Variants in LEF1 observed in about 807,000 individuals in gnomAD.
LEF1 encodes lymphoid enhancer-binding factor 1.
Under a neutral mutation model 51.2 loss-of-function variants are expected in LEF1, and 14 were observed. That is an observed-to-expected ratio of 0.27 (90% CI 0.18 to 0.43). The LOEUF is 0.43. Among genes scored for constraint, LEF1 ranks in the 20% least tolerant of loss-of-function variants. The probability of loss-of-function intolerance (pLI) is 1.00; values close to 1 mark genes in which losing one functional copy is unlikely to be tolerated. For missense variants in LEF1, 386 were observed against 512.0 expected (o/e 0.75, Z 2.37); for synonymous variants, 185 against 183.2 (o/e 1.01, Z -0.08).
intron 8 of LEF1, among the ~76,000 whole-genome samples, chr4:108,074,338 CA>C (rs1463779475): frequency 6.6e-6 from 1 of 152,134 alleles, no homozygotes; most frequent in African/African-American, 2.4e-5. Context: ...TAAACTTGTA[CA>C]GTTCCAAGAT....
At chr4:108,144,545 G>A (rs528132055) in intron 3 of LEF1, among the ~76,000 whole-genome samples, 1 of 152,300 alleles carries the variant, frequency 6.6e-6, no homozygotes, top group East Asian at 1.9e-4. Flanking sequence ...ATAGCACAGA[G>A]CCTTCTTTTC....
chr4:108,148,431 C>A (rs1454432924), intron 3 of LEF1, among the ~76,000 whole-genome samples: 1 of 152,162 alleles, frequency 6.6e-6, no homozygotes, highest in Non-Finnish European at 1.5e-5. Flanking sequence ...CATATAAAGA[C>A]AGTCCTCTGG....
At chr4:108,157,637 T>A (rs1482467731) in intron 3 of LEF1, among the ~76,000 whole-genome samples, 5 of 152,226 alleles carry the variant, frequency 3.3e-5, no homozygotes, top group African/African-American at 4.8e-5. Context: ...AAAAATAAAC[T>A]GTATTTCTAG....
rs1745301951 is a variant in LEF1 at position 108,165,101 on chromosome 4, A to G, written c.276T>C (p.Asp92=). 6.2e-7 allele frequency: 1 copy of G among 1,613,936 alleles called. No homozygotes were observed. The highest frequency in any genetic ancestry group is 1.3e-5 in the African/African-American group (1 of 74,932). The change falls in exon 2 of 12, where the codon GAT becomes GAC. Residue 92 remains aspartate (D), a synonymous_variant. Coordinates refer to ENST00000265165, the MANE Select transcript of LEF1 (RefSeq NM_016269.5). ...GAAGTAGAATGGGTGTCTTACCGTC[A>G]TCGGGGTGTTCTCTGGCCTTGTCGT... ...PYHDKAREHP[D]DGKHPDGGLY...
intron 9 of LEF1, among the ~76,000 whole-genome samples, chr4:108,068,323 C>T (rs1278277678): frequency 6.6e-6 from 1 of 152,106 alleles, no homozygotes; most frequent in African/African-American, 2.4e-5. Context: ...GAAGACTGAG[C>T]TAATCCACTC....
intron 3 of LEF1, among the ~76,000 whole-genome samples, chr4:108,149,275 C>T (rs796111843): frequency 2.3e-4 from 35 of 149,734 alleles, no homozygotes; most frequent in East Asian, 1.6e-3. Flanking sequence ...CTGGCTAACG[C>T]GGTGAAACCC....
At chr4:108,067,531 CCTT>C (rs1447938250) in intron 9 of LEF1, among the ~76,000 whole-genome samples, 1 of 150,412 alleles carries the variant, frequency 6.6e-6, no homozygotes, top group Non-Finnish European at 1.5e-5. Flanking sequence ...ATTAGAAGAT[CCTT>C]TTTTTTTTTT....
chr4:108,079,951 C>G (rs1223943706), intron 6 of LEF1, among the ~76,000 whole-genome samples: 1 of 152,142 alleles, frequency 6.6e-6, no homozygotes. Flanking sequence ...AAATCTCTGC[C>G]TATATTCCTA....
rs953518199 is a variant in LEF1 at position 108,168,191 on chromosome 4, G to A, written c.-424C>T. The A allele has an allele frequency of 6.6e-6, 1 of 152,266 alleles. No individual in the cohort carries two copies. The highest frequency in any genetic ancestry group is 1.5e-5 in the Non-Finnish European group (1 of 68,084). 9.4% of individuals were successfully genotyped at this position (152,266 alleles called of 1,614,324 possible). ...GAGCACGCCTCCCCAAAGTGCAGAG[G>A]AGGGTCCGGCGGCGCGTCTCCGCGG... On this transcript the variant is annotated 5_prime_UTR_variant, in exon 1 of 12. Transcript: ENST00000265165. The surrounding 1 kb of genome is among the most constrained non-coding windows in gnomAD (Gnocchi z 4.6).
In LEF1 at chr4:108,161,806, G is replaced by A. The variant is rs891409664; in HGVS notation, c.414+1762C>T. On this transcript the variant is annotated intron_variant, in intron 3 of 11. Coordinates refer to ENST00000265165, the MANE Select transcript of LEF1 (RefSeq NM_016269.5). The stretch of plus-strand genomic sequence containing the variant: ...TGCTGTATACTCACAGCTGAAAAAC[G>A]TAAGGCTGTTTTGTGGCTATTTTCT... 1.5e-4 allele frequency among the ~76,000 whole-genome samples: 23 copies of A among 152,050 alleles called. 1 individual carries two copies. Among genetic ancestry groups the A allele is most frequent in the Admixed American group, 1.4e-3 (22 of 15,262 alleles).
At chr4:108,132,659 C>CTTTTTTTTTTGTTTTTTTTTTTTTT (rs1742970917) in intron 3 of LEF1, among the ~76,000 whole-genome samples, 1 of 47,438 alleles carries the variant, frequency 2.1e-5, no homozygotes, top group African/African-American at 8.2e-5. Context: ...GAAAATCTGC[C>CTTTTTTTTTTGTTTTTTTTTTTTTT]TTTTTTTTTT....
intron 6 of LEF1, among the ~76,000 whole-genome samples, chr4:108,081,154 C>T (rs1481646254): frequency 6.6e-6 from 1 of 152,178 alleles, no homozygotes; most frequent in Non-Finnish European, 1.5e-5. Context: ...TTTTCAAACA[C>T]TGCCGCATCA....
At chr4:108,165,718 T>C (rs1578416097) in intron 1 of LEF1, among the ~76,000 whole-genome samples, 1 of 152,138 alleles carries the variant, frequency 6.6e-6, no homozygotes, top group South Asian at 2.1e-4. Context: ...GCTGGCTGAG[T>C]GCAGGCTTAC....
intron 3 of LEF1, among the ~76,000 whole-genome samples, chr4:108,159,858 T>C (rs1221385990): frequency 6.6e-6 from 1 of 152,186 alleles, no homozygotes; most frequent in Non-Finnish European, 1.5e-5. Context: ...AAAATAAACA[T>C]TTTAAAAGAT....
intron 3 of LEF1, among the ~76,000 whole-genome samples, chr4:108,136,668 G>A (rs1269813996): frequency 6.6e-6 from 1 of 151,986 alleles, no homozygotes; most frequent in Middle Eastern, 3.2e-3. Context: ...AATTCTTACG[G>A]TGACTGAATA....
chr4:108,083,077 C>A, intron 5 of LEF1: 3 of 424,464 alleles, frequency 7.1e-6, no homozygotes, highest in South Asian at 2.5e-5. Flanking sequence ...ACAGGCATAG[C>A]AAATGCCCAA....
Position 108,109,779 on chromosome 4 carries a change from T to C in LEF1, c.415-20522A>G, listed in dbSNP as rs534053120. Among the ~76,000 whole-genome samples the C allele has an allele frequency of 2.6e-5, 4 of 152,246 alleles. No homozygotes were observed. The South Asian group carries it at 8.3e-4, about 32-fold the overall frequency. ...AAACTATGGCCTCTTACTGTATACA[T>C]AGAGATGGTTTTTTTAATCCAGAGA... is the stretch of plus-strand genomic sequence containing the variant. On this transcript the variant is annotated intron_variant, in intron 3 of 11. Coordinates refer to ENST00000265165, the MANE Select transcript of LEF1 (RefSeq NM_016269.5).
At chr4:108,149,477 T>A (rs865997907) in intron 3 of LEF1, among the ~76,000 whole-genome samples, 2,502 of 87,446 alleles carry the variant, frequency 0.029, 28 homozygotes, top group Middle Eastern at 0.055. Flanking sequence ...AAAAAAAAAA[T>A]AGATTATAAA....
At chr4:108,095,298 C>T (rs1740307296) in intron 3 of LEF1, among the ~76,000 whole-genome samples, 1 of 152,168 alleles carries the variant, frequency 6.6e-6, no homozygotes, top group African/African-American at 2.4e-5. Flanking sequence ...TAGTAAGTAC[C>T]AGTCATTACA....
Sources: gnomAD v4.1 joint callset for allele counts (sites outside exome capture counted in the v4.1 genomes callset) on GRCh38, gnomAD v4.1.1 for gene constraint, Gnocchi (gnomAD v3.1) non-coding constraint, MANE v1.5 for transcripts, NCBI Gene and HGNC (gene_info 2026-07-23, HGNC 2026-07-21) for gene names.